Variants in ACTL8 observed in about 807,000 individuals in gnomAD.
ACTL8 encodes actin like 8, also known as actin-like protein 8.
Under a neutral mutation model 9.3 loss-of-function variants are expected in ACTL8, and 3 were observed. That is an observed-to-expected ratio of 0.32 (90% CI 0.15 to 0.83). The LOEUF (loss-of-function observed/expected upper bound fraction) is 0.83. Among genes scored for constraint, ACTL8 ranks in the 40% least tolerant of loss-of-function variants. The probability of loss-of-function intolerance (pLI) is 0.57; values close to 1 mark genes in which losing one functional copy is unlikely to be tolerated. For missense variants in ACTL8, 381 were observed against 492.2 expected (o/e 0.77, Z 2.14); for synonymous variants, 224 against 205.9 (o/e 1.09, Z -0.75).
intron 1 of ACTL8, among the ~76,000 whole-genome samples, chr1:17,797,574 A>G (rs1024080118): frequency 5.3e-5 from 8 of 152,318 alleles, no homozygotes; most frequent in African/African-American, 1.9e-4. Context: ...AGGGCCAGGT[A>G]TCCAGCATTT....
chr1:17,791,250 G>A (rs2066237474), intron 1 of ACTL8, among the ~76,000 whole-genome samples: 3 of 152,162 alleles, frequency 2.0e-5, no homozygotes. Context: ...CCAGCTCCAC[G>A]GAGTGTACAG....
intron 1 of ACTL8, among the ~76,000 whole-genome samples, chr1:17,809,600 T>A (rs1337136253): frequency 6.6e-6 from 1 of 152,088 alleles, no homozygotes; most frequent in East Asian, 1.9e-4. Flanking sequence ...TCCTGTCAGA[T>A]CAATGGTGGC....
At chr1:17,810,043 C>G (rs1407976169) in intron 1 of ACTL8, among the ~76,000 whole-genome samples, 1 of 152,098 alleles carries the variant, frequency 6.6e-6, no homozygotes, top group Non-Finnish European at 1.5e-5. Flanking sequence ...CAGCATAAAA[C>G]CTTAATACAT....
intron 1 of ACTL8, among the ~76,000 whole-genome samples, chr1:17,792,985 C>G (rs1244851985): frequency 6.6e-6 from 1 of 152,116 alleles, no homozygotes; most frequent in Admixed American, 6.5e-5. Context: ...TTTTTGGGAA[C>G]CAAAGGCTTC....
chr1:17,795,457 TATAAC>T (rs1454865482), intron 1 of ACTL8, among the ~76,000 whole-genome samples: 5 of 152,236 alleles, frequency 3.3e-5, no homozygotes, highest in Non-Finnish European at 4.4e-5. Context: ...TGTAGTAAAA[TATAAC>T]AGGTGTTCTG....
intron 1 of ACTL8, among the ~76,000 whole-genome samples, chr1:17,774,747 C>T (rs530481627): frequency 3.0e-4 from 46 of 152,234 alleles, no homozygotes; most frequent in African/African-American, 1.0e-3. Flanking sequence ...AGCAGCTTGT[C>T]GGGCCAGGCT....
At chr1:17,818,183 C>CT (rs1370339727) in intron 1 of ACTL8, among the ~76,000 whole-genome samples, 1 of 152,206 alleles carries the variant, frequency 6.6e-6, no homozygotes, top group African/African-American at 2.4e-5. Flanking sequence ...ATACTTTATT[C>CT]TTCCAGCTTT....
chr1:17,776,582 C>CCGT (rs1345932944), intron 1 of ACTL8, among the ~76,000 whole-genome samples: 1 of 152,172 alleles, frequency 6.6e-6, no homozygotes, highest in Non-Finnish European at 1.5e-5. Context: ...TTCCACTCTG[C>CCGT]CGTCGTCCCT....
At chr1:17,785,251 C>T (rs7528046) in intron 1 of ACTL8, among the ~76,000 whole-genome samples, 22,390 of 152,112 alleles carry the variant, frequency 0.15, 1,776 homozygotes, top group East Asian at 0.19. Flanking sequence ...GTTCCCTCAT[C>T]CATAGACTGG....
chr1:17,806,168 T>G (rs1385959264), intron 1 of ACTL8, among the ~76,000 whole-genome samples: 1 of 152,244 alleles, frequency 6.6e-6, no homozygotes, highest in East Asian at 1.9e-4. Flanking sequence ...AATGGTTTAT[T>G]GAGTAATTCT....
intron 1 of ACTL8, among the ~76,000 whole-genome samples, chr1:17,757,287 G>A (rs1403364967): frequency 6.6e-6 from 1 of 152,142 alleles, no homozygotes; most frequent in East Asian, 1.9e-4. Context: ...GCAGCCACAA[G>A]GCTGAGACTG....
At chr1:17,781,922 G>A (rs969850996) in intron 1 of ACTL8, among the ~76,000 whole-genome samples, 2 of 152,180 alleles carry the variant, frequency 1.3e-5, no homozygotes, top group African/African-American at 4.8e-5. Flanking sequence ...CAGAAAGAAG[G>A]GGAATGTGGA....
At chr1:17,816,553 G>A (rs555659512) in intron 1 of ACTL8, among the ~76,000 whole-genome samples, 2 of 152,324 alleles carry the variant, frequency 1.3e-5, no homozygotes, top group Admixed American at 1.3e-4. Flanking sequence ...ATTATGCTGT[G>A]AGACTCTGTG....
rs6660554 is a variant in ACTL8 at position 17,781,840 on chromosome 1, C to T, written c.-25+26336C>T. Among the ~76,000 whole-genome samples the T allele has an allele frequency of 8.3e-3, 1,261 of 152,144 alleles. 22 individuals carry two copies. The highest frequency in any genetic ancestry group is 0.028 in the African/African-American group (1,157 of 41,488). Reference sequence around the variant, plus strand: ...TGATTTGTTAGGGCCCCCACAGATGCGGGGACCCATGCTCCTCCAGGACCC... The same window carrying T: ...TGATTTGTTAGGGCCCCCACAGATGTGGGGACCCATGCTCCTCCAGGACCC... On this transcript the variant is annotated intron_variant, in intron 1 of 2. Coordinates refer to ENST00000375406, the MANE Select transcript of ACTL8 (RefSeq NM_030812.3).
intron 1 of ACTL8, among the ~76,000 whole-genome samples, chr1:17,795,271 C>T (rs2066268599): frequency 1.3e-5 from 2 of 152,160 alleles, no homozygotes; most frequent in South Asian, 4.1e-4. Flanking sequence ...TTGCAGAAGA[C>T]AGCCCCTCCC....
intron 1 of ACTL8, among the ~76,000 whole-genome samples, chr1:17,769,559 A>C (rs867977545): frequency 3.3e-5 from 5 of 152,166 alleles, no homozygotes; most frequent in African/African-American, 1.2e-4. Flanking sequence ...TCTTCTCTGT[A>C]AGCCTCAGTT....
chr1:17,761,846 C>T (rs1420672616), intron 1 of ACTL8, among the ~76,000 whole-genome samples: 1 of 152,234 alleles, frequency 6.6e-6, no homozygotes, highest in African/African-American at 2.4e-5. Flanking sequence ...GCTGGGATTA[C>T]AGGCGTGAGC....
intron 1 of ACTL8, among the ~76,000 whole-genome samples, chr1:17,794,868 G>A (rs940255797): frequency 1.3e-5 from 2 of 152,154 alleles, no homozygotes; most frequent in African/African-American, 4.8e-5. Flanking sequence ...AGTGGGAGAG[G>A]GGGCTGGTTA....
In ACTL8 at chr1:17,823,372, GC is replaced by G; in HGVS notation, c.348+18del. The stretch of plus-strand genomic sequence containing the variant: ...GATGCTGGAGGTGAGGCCTGCCGGG[GC>G]CTGCTCCCACTCGGGAGCGGGAAAC... On this transcript the variant is annotated intron_variant, in intron 2 of 2. Transcript: ENST00000375406. This position sits in a 1 kb window ranked among gnomAD's most constrained non-coding sequence, Gnocchi z 5.3. The G allele has an allele frequency of 6.2e-7, 1 of 1,602,040 alleles. No homozygotes were observed. Among genetic ancestry groups the G allele is most frequent in the Non-Finnish European group, 8.5e-7 (1 of 1,174,034 alleles).
Sources: allele counts gnomAD v4.1 joint callset (sites outside exome capture counted in the v4.1 genomes callset), GRCh38; gene constraint gnomAD v4.1.1; non-coding constraint Gnocchi (gnomAD v3.1); transcripts MANE v1.5; gene names NCBI Gene and HGNC (gene_info 2026-07-23, HGNC 2026-07-21).